Variants in PRKCD observed in about 807,000 individuals in gnomAD.
PRKCD encodes the protein protein kinase C delta type.
In PRKCD, 20 loss-of-function variants were observed where a neutral mutation model predicts 82.2. The ratio of observed to expected loss-of-function variants is 0.24; its 90% CI spans 0.17 to 0.35. The LOEUF is 0.35. PRKCD is among the 10% of genes least tolerant of loss of function. The pLI is 1.00. For missense variants in PRKCD, 607 were observed against 899.0 expected, an observed-to-expected ratio of 0.68 and a Z score of 4.15; for synonymous variants, 317 against 337.0, an observed-to-expected ratio of 0.94 and a Z score of 0.65.
Position 53,181,602 on chromosome 3 carries a change from G to C in PRKCD, c.535G>C (p.Val179Leu). Reference sequence around the variant, plus strand: ...CTTCTGTTCTGTGTGCAAAGACTTTGTCTGGTGAGAACCGGCCATGCCCAC... The same window carrying C: ...CTTCTGTTCTGTGTGCAAAGACTTTCTCTGGTGAGAACCGGCCATGCCCAC... ...PTFCSVCKDFVWGLNKQGYKC... is the reference protein window; with the variant it reads ...PTFCSVCKDFLWGLNKQGYKC... Residue 179 changes from valine (V) to leucine (L), a missense_variant, in exon 6 of 19, where the codon GTC becomes CTC. Physicochemically the swap from Val to Leu is conservative, Grantham distance 32. Transcript: ENST00000330452. 6.2e-7 allele frequency: 1 copy of C among 1,614,230 alleles called. No individual in the cohort carries two copies. Among genetic ancestry groups the C allele is most frequent in the Non-Finnish European group, 8.5e-7 (1 of 1,180,036 alleles).
intron 2 of PRKCD, among the ~76,000 whole-genome samples, chr3:53,166,541 G>T (rs114609144): frequency 0.01 from 1,541 of 152,320 alleles, 31 homozygotes; most frequent in African/African-American, 0.035. Flanking sequence ...GGGCATGCAG[G>T]TACACAGGTG....
At chr3:53,166,544 C>T (rs1281549603) in intron 2 of PRKCD, among the ~76,000 whole-genome samples, 2 of 152,246 alleles carry the variant, frequency 1.3e-5, no homozygotes, top group Admixed American at 6.5e-5. Flanking sequence ...CATGCAGGTA[C>T]ACAGGTGCTC....
At position 53,189,691 on chromosome 3, in the gene PRKCD, G is replaced by T. The variant is rs1185058701; in HGVS notation, c.1744-182G>T. ...GTCGCAGATGTCCAGCCCAGAGCCTGTCATCTCCGGGGGAGCTGGGAGCAC... is the reference window on the plus strand; with the variant it reads ...GTCGCAGATGTCCAGCCCAGAGCCTTTCATCTCCGGGGGAGCTGGGAGCAC... On this transcript the variant is annotated intron_variant, in intron 17 of 18. Coordinates refer to ENST00000330452, the MANE Select transcript of PRKCD (RefSeq NM_006254.4). Among the ~76,000 whole-genome samples, 5 of 152,246 alleles carry T rather than the reference G, an allele frequency of 3.3e-5. No individual in the cohort carries two copies. In the East Asian group the frequency reaches 9.6e-4, roughly 29 times the overall value.
At chr3:53,170,557 C>T (rs1702986331) in intron 2 of PRKCD, among the ~76,000 whole-genome samples, 1 of 152,234 alleles carries the variant, frequency 6.6e-6, no homozygotes, top group South Asian at 2.1e-4. Flanking sequence ...ATGTGCCTGA[C>T]CAGCCCACTC....
intron 2 of PRKCD, 150 bp downstream of exon 2, chr3:53,165,365 A>G (rs1420553337): frequency 6.6e-6 from 1 of 152,292 alleles, no homozygotes; most frequent in Non-Finnish European, 1.5e-5. Context: ...CAGGGGCCGC[A>G]GCTGTTTGCC....
intron 1 of PRKCD, among the ~76,000 whole-genome samples, chr3:53,162,997 G>A (rs961905227): frequency 2.6e-5 from 4 of 151,856 alleles, no homozygotes; most frequent in African/African-American, 9.7e-5. Context: ...GGGTTTCCTC[G>A]TTCCTGCTGT....
chr3:53,187,901 G>A (rs781820690), intron 15 of PRKCD, among the ~76,000 whole-genome samples: 2 of 152,124 alleles, frequency 1.3e-5, no homozygotes, highest in African/African-American at 2.4e-5. Context: ...AAACGTGGGA[G>A]GGAGACTGAG....
At chr3:53,183,661 C>A in intron 9 of PRKCD, 80 bp downstream of exon 9, 1 of 1,562,520 alleles carries the variant, frequency 6.4e-7, no homozygotes. Context: ...CCTCACGCCA[C>A]CCTCGCCTCC....
At chr3:53,173,370 C>T (rs1553665303) in intron 2 of PRKCD, among the ~76,000 whole-genome samples, 2 of 152,200 alleles carry the variant, frequency 1.3e-5, no homozygotes, top group African/African-American at 4.8e-5. Flanking sequence ...CCTTCTCTGG[C>T]CTGACCTAGC....
chr3:53,175,779 T>C (rs1308528483), intron 2 of PRKCD, among the ~76,000 whole-genome samples: 1 of 152,214 alleles, frequency 6.6e-6, no homozygotes, highest in Non-Finnish European at 1.5e-5. Context: ...AGGCCCTGGA[T>C]GTGTGGACAC....
Position 53,188,863 on chromosome 3 carries a change from G to A in PRKCD, c.1554+5G>A. On this transcript the variant is annotated splice_donor_5th_base_variant and intron_variant, in intron 16 of 18. Coordinates refer to ENST00000330452, the MANE Select transcript of PRKCD (RefSeq NM_006254.4). ...CCTGACTATATCGCCCCTGAGGTGA[G>A]CCGATACCCTTCCAGCCCCCCGCTC... The A allele has an allele frequency of 2.5e-6, 4 of 1,613,868 alleles. No individual in the cohort carries two copies. The South Asian group carries it at 3.3e-5, about 13-fold the overall frequency.
chr3:53,183,425 C>A lies in PRKCD; in HGVS notation c.658-27C>A. On this transcript the variant is annotated intron_variant, in intron 8 of 18. Transcript: ENST00000330452. ...AAGAGGCTGGAGCTGGCACGTGACC[C>A]TCAGCCTGTGATACCCCCACCTCCA... 1.9e-6 allele frequency: 3 copies of A among 1,613,284 alleles called. No individual in the cohort carries two copies. The South Asian group carries it at 3.3e-5, about 18-fold the overall frequency.
At chr3:53,181,184 C>T in intron 4 of PRKCD, 23 bp from the exon 5 acceptor site, 1 of 1,611,582 alleles carries the variant, frequency 6.2e-7, no homozygotes, top group Non-Finnish European at 8.5e-7. Context: ...CCTTGTTCTC[C>T]CCTGGCCTCT....
intron 7 of PRKCD, among the ~76,000 whole-genome samples, chr3:53,182,809 A>G (rs1358932248): frequency 6.6e-6 from 1 of 152,210 alleles, no homozygotes; most frequent in African/African-American, 2.4e-5. Flanking sequence ...GGCTTGGAAG[A>G]ACTGCCCCCG....
chr3:53,187,103 G>A (rs1311167437), intron 14 of PRKCD, among the ~76,000 whole-genome samples: 16 of 152,154 alleles, frequency 1.1e-4, no homozygotes, highest in Admixed American at 1.0e-3. Flanking sequence ...ATATGTACAT[G>A]CATGTAAATG....
intron 2 of PRKCD, among the ~76,000 whole-genome samples, chr3:53,177,946 CTTTTTTTTTTTT>C (rs55779744): frequency 2.2e-5 from 3 of 135,070 alleles, no homozygotes; most frequent in Non-Finnish European, 4.7e-5. Flanking sequence ...TTTTCTTTTT[CTTTTTTTTTTTT>C]TTTTGAGACG....
At chr3:53,185,575 C>A (rs1703643718) in intron 10 of PRKCD, 29 bp from the exon 11 acceptor site, 2 of 1,590,342 alleles carry the variant, frequency 1.3e-6, no homozygotes, top group Non-Finnish European at 1.7e-6. Flanking sequence ...GTCTGACCAT[C>A]TGGCCCCCCA....
intron 11 of PRKCD, 88 bp from the exon 12 acceptor site, chr3:53,185,839 C>A: frequency 6.5e-7 from 1 of 1,533,240 alleles, no homozygotes; most frequent in Non-Finnish European, 9.0e-7. Context: ...CTCTCTGAGG[C>A]CCCTTCCCCC....
At chr3:53,181,830 GTGTA>G in intron 7 of PRKCD, 98 bp downstream of exon 7, 1 of 1,543,322 alleles carries the variant, frequency 6.5e-7, no homozygotes, top group South Asian at 1.2e-5. Context: ...CGCTCAGAGA[GTGTA>G]TGCACGTGAG....
Sources: allele counts gnomAD v4.1 joint callset (sites outside exome capture counted in the v4.1 genomes callset), GRCh38; gene constraint gnomAD v4.1.1; transcripts MANE v1.5; gene names NCBI Gene and HGNC (gene_info 2026-07-23, HGNC 2026-07-21).